Variants in PAQR5 observed in about 807,000 individuals in gnomAD.
The protein encoded by PAQR5 is membrane progestin receptor gamma.
PAQR5 carries 20 observed loss-of-function variants against 34.5 expected under a neutral mutation model. The ratio of observed to expected loss-of-function variants is 0.58; its 90% CI spans 0.41 to 0.84. The LOEUF is 0.84. PAQR5 is among the 40% of genes least tolerant of loss of function. PAQR5 has a pLI of 0.00. For missense variants in PAQR5, 378 were observed against 412.7 expected (o/e 0.92, Z 0.73); for synonymous variants, 131 against 155.6 (o/e 0.84, Z 1.18).
rs144140624 is a variant in PAQR5, at chr15:69,393,028, G to A, written c.512+3248G>A. Among the ~76,000 whole-genome samples, 673 of 152,100 alleles carry A rather than the reference G, an allele frequency of 4.4e-3. 3 individuals are homozygous for A. Among genetic ancestry groups the A allele is most frequent in the South Asian group, 1.0e-2 (48 of 4,812 alleles). ...TCTTAGGGAAAAAAAAAAATCCTACGCACTCAGCTTCCATGCCCTGAGGGG... is the reference window on the plus strand; with the variant it reads ...TCTTAGGGAAAAAAAAAAATCCTACACACTCAGCTTCCATGCCCTGAGGGG... On this transcript the variant is annotated intron_variant, in intron 6 of 8. Coordinates refer to ENST00000395407, the MANE Select transcript of PAQR5 (RefSeq NM_017705.4).
At chr15:69,375,709 C>A (rs1160327043) in intron 3 of PAQR5, among the ~76,000 whole-genome samples, 1 of 152,120 alleles carries the variant, frequency 6.6e-6, no homozygotes, top group East Asian at 1.9e-4. Flanking sequence ...CCTCTCCAGG[C>A]CTCAGTTTCC....
chr15:69,384,664 C>T lies in PAQR5; in HGVS notation c.180-13C>T. 1 of 1,605,226 alleles carries T rather than the reference C, an allele frequency of 6.2e-7. No homozygotes were observed. The highest frequency in any genetic ancestry group is 1.7e-4 in the Middle Eastern group (1 of 6,048). On this transcript the variant is annotated splice_polypyrimidine_tract_variant and intron_variant, in intron 4 of 8. Transcript: ENST00000395407. ...GTTCATGGTGGAGGGTGAGTGAGCC[C>T]TCTGTGTTCCAGGTTCTTTGCATGG...
chr15:69,342,970 T>C (rs2054679853), intron 2 of PAQR5, among the ~76,000 whole-genome samples: 1 of 152,246 alleles, frequency 6.6e-6, no homozygotes, highest in Admixed American at 6.5e-5. Context: ...TTCCCTGTCC[T>C]GACATCTCCT....
At chr15:69,368,026 A>G (rs2055449178) in intron 3 of PAQR5, among the ~76,000 whole-genome samples, 1 of 150,750 alleles carries the variant, frequency 6.6e-6, no homozygotes, top group Admixed American at 6.6e-5. Flanking sequence ...AAGGTCCTTC[A>G]GAAGTTTGTA....
intron 5 of PAQR5, among the ~76,000 whole-genome samples, chr15:69,388,546 G>A (rs1250934022): frequency 3.3e-5 from 5 of 152,236 alleles, no homozygotes; most frequent in African/African-American, 1.2e-4. Flanking sequence ...GTTGGCATCT[G>A]CTGAGCGAAT....
At chr15:69,307,512 G>C (rs1455437610) in intron 1 of PAQR5, among the ~76,000 whole-genome samples, 1 of 152,218 alleles carries the variant, frequency 6.6e-6, no homozygotes, top group Admixed American at 6.5e-5. Flanking sequence ...GAAGAAAGTG[G>C]TGCTGAGGTG....
chr15:69,335,246 C>CAT (rs2140694676), intron 1 of PAQR5, among the ~76,000 whole-genome samples: 1 of 127,954 alleles, frequency 7.8e-6, no homozygotes, highest in East Asian at 2.3e-4. Context: ...GAAATTTTAG[C>CAT]TTTTTTTTTT....
chr15:69,356,252 G>C (rs957484565), intron 2 of PAQR5, among the ~76,000 whole-genome samples: 31 of 152,180 alleles, frequency 2.0e-4, no homozygotes, highest in African/African-American at 7.2e-4. Context: ...CTGGACATTT[G>C]CCTCTTGTCC....
chr15:69,385,667 C>T lies in PAQR5; in HGVS notation c.385+785C>T, dbSNP rs2056085272. ...CAGGTCCCATTCTAGGTGAGAAAAC[C>T]AATTATTGTCTTCCTTGCCCAAGAG... On this transcript the variant is annotated intron_variant, in intron 5 of 8. Transcript: ENST00000395407. The surrounding 1 kb of genome is among the most constrained non-coding windows in gnomAD (Gnocchi z 4.7). Among the ~76,000 whole-genome samples, 1 of 152,060 alleles carries T rather than the reference C, an allele frequency of 6.6e-6. No homozygotes were observed. Among genetic ancestry groups the T allele is most frequent in the African/African-American group, 2.4e-5 (1 of 41,370 alleles).
At chr15:69,369,126 AAC>A (rs1445676476) in intron 3 of PAQR5, among the ~76,000 whole-genome samples, 2 of 152,192 alleles carry the variant, frequency 1.3e-5, no homozygotes, top group African/African-American at 4.8e-5. Flanking sequence ...AAATATATTA[AAC>A]ACAGTTATTT....
intron 6 of PAQR5, chr15:69,391,993 G>T: frequency 2.6e-6 from 1 of 388,004 alleles, no homozygotes; most frequent in Non-Finnish European, 5.2e-6. Flanking sequence ...GGAGGCAGAG[G>T]TTGCAGTGAG....
At chr15:69,326,248 G>C (rs1046666479) in intron 1 of PAQR5, among the ~76,000 whole-genome samples, 30 of 152,170 alleles carry the variant, frequency 2.0e-4, no homozygotes, top group African/African-American at 7.2e-4. Context: ...ACTCCCCAAA[G>C]CTCCCAGCCA....
At chr15:69,320,132 C>T (rs759770629) in intron 1 of PAQR5, among the ~76,000 whole-genome samples, 6 of 152,360 alleles carry the variant, frequency 3.9e-5, no homozygotes, top group African/African-American at 1.2e-4. Flanking sequence ...GCAGGGGCTT[C>T]GCCCTTTCCC....
At chr15:69,352,131 G>A (rs2054935301) in intron 2 of PAQR5, among the ~76,000 whole-genome samples, 2 of 152,184 alleles carry the variant, frequency 1.3e-5, no homozygotes, top group South Asian at 4.1e-4. Context: ...GCTATCTGGA[G>A]TCTTTGGCAG....
chr15:69,332,898 T>G (rs67409225), intron 1 of PAQR5, among the ~76,000 whole-genome samples: 12,914 of 151,474 alleles, frequency 0.085, 862 homozygotes, highest in African/African-American at 0.17. Flanking sequence ...GGAAGTTAAC[T>G]GTGGTAGAAT....
At chr15:69,338,146 G>A (rs561847544) in intron 2 of PAQR5, among the ~76,000 whole-genome samples, 16 of 152,294 alleles carry the variant, frequency 1.1e-4, no homozygotes, top group South Asian at 4.1e-4. Flanking sequence ...GGAGGACTAA[G>A]GCTACCAGGT....
Position 69,306,481 on chromosome 15 carries a change from G to A in PAQR5, c.-277+7425G>A, listed in dbSNP as rs536427216. On this transcript the variant is annotated intron_variant, in intron 1 of 8. Coordinates refer to ENST00000395407, the MANE Select transcript of PAQR5 (RefSeq NM_017705.4). Reference sequence around the variant, plus strand: ...GGCTGGAGTGCAACGGCACCATCTCGGCTCACCGCAACCTCTGCCTCCTGG... The same window carrying A: ...GGCTGGAGTGCAACGGCACCATCTCAGCTCACCGCAACCTCTGCCTCCTGG... Among the ~76,000 whole-genome samples, 321 of 142,884 alleles carry A rather than the reference G, an allele frequency of 2.2e-3. 2 individuals are homozygous for A. The highest frequency in any genetic ancestry group is 8.0e-3 in the African/African-American group (310 of 38,866). 93.7% of individuals were successfully genotyped at this position (142,884 alleles called of 152,430 possible). A position where few individuals can be genotyped will look rare whatever the true frequency, so the allele number is the denominator to read the frequency against.
intron 2 of PAQR5, among the ~76,000 whole-genome samples, chr15:69,353,813 C>T (rs2054987873): frequency 1.3e-5 from 2 of 152,118 alleles, no homozygotes; most frequent in African/African-American, 4.8e-5. Context: ...GGTCTTAGTT[C>T]CAGAGGGGAG....
chr15:69,355,826 A>G (rs566737301), intron 2 of PAQR5, among the ~76,000 whole-genome samples: 1 of 152,166 alleles, frequency 6.6e-6, no homozygotes, highest in African/African-American at 2.4e-5. Context: ...ATAAAGCATG[A>G]CTACTCCCCT....
Sources: gnomAD v4.1 joint callset for allele counts (sites outside exome capture counted in the v4.1 genomes callset) on GRCh38, gnomAD v4.1.1 for gene constraint, Gnocchi (gnomAD v3.1) non-coding constraint, MANE v1.5 for transcripts, NCBI Gene and HGNC (gene_info 2026-07-23, HGNC 2026-07-21) for gene names.